CHST3: variants seen among roughly 807,000 people sequenced by gnomAD.
CHST3 encodes the protein C6ST-1.
In CHST3, 20 loss-of-function variants were observed where a neutral mutation model predicts 35.4. The ratio of observed to expected loss-of-function variants is 0.57; its 90% CI spans 0.40 to 0.82. The LOEUF is 0.82. CHST3 is among the 40% of genes least tolerant of loss of function. The pLI is 0.00. For synonymous variants in CHST3, 334 were observed against 295.9 expected (o/e 1.13, Z -1.32); for missense variants, 693 against 670.1 (o/e 1.03, Z -0.38).
At chr10:71,971,765 C>T (rs907011224) in intron 1 of CHST3, among the ~76,000 whole-genome samples, 5 of 152,202 alleles carry the variant, frequency 3.3e-5, no homozygotes, top group Admixed American at 2.0e-4. Context: ...CCTGGCTTTC[C>T]TCTGGAGACT....
At chr10:71,971,727 C>T (rs1407193728) in intron 1 of CHST3, among the ~76,000 whole-genome samples, 9 of 152,256 alleles carry the variant, frequency 5.9e-5, no homozygotes, top group African/African-American at 2.2e-4. Flanking sequence ...AGGAATTTCA[C>T]TCCAGCCACA....
chr10:72,005,742 G>C lies in CHST3; in HGVS notation c.-101G>C, dbSNP rs1202755829. The C allele has an allele frequency of 6.8e-7, 1 of 1,460,986 alleles. No homozygotes were observed. Among genetic ancestry groups the C allele is most frequent in the Non-Finnish European group, 9.6e-7 (1 of 1,045,980 alleles). 90.5% of individuals were successfully genotyped at this position (1,460,986 alleles called of 1,614,324 possible). The stretch of plus-strand genomic sequence containing the variant: ...ACCACCTGTCTCTCCGCAGGACAAG[G>C]GTGTCCCCCACCTGAAGACGGCAAG... On this transcript the variant is annotated 5_prime_UTR_variant, in exon 2 of 3. Transcript: ENST00000373115.
chr10:71,967,873 G>GT (rs1839646670), intron 1 of CHST3, among the ~76,000 whole-genome samples: 1 of 152,108 alleles, frequency 6.6e-6, no homozygotes, highest in African/African-American at 2.4e-5. Flanking sequence ...CCAGGCTGGA[G>GT]TACAGTGGTG....
chr10:71,995,380 A>T lies in CHST3; in HGVS notation c.-107-10356A>T, dbSNP rs543247878. 6.0e-5 allele frequency among the ~76,000 whole-genome samples: 9 copies of T among 149,946 alleles called. No homozygotes were observed. In the South Asian group the frequency reaches 1.9e-3, roughly 32 times the overall value. On this transcript the variant is annotated intron_variant, in intron 1 of 2. Coordinates refer to ENST00000373115, the MANE Select transcript of CHST3 (RefSeq NM_004273.5). ...GTGGAGGTTGCAGTGAGCCGAGATCACGCCACTGCGCTCCAGCCTGGGCAG... is the reference window on the plus strand; with the variant it reads ...GTGGAGGTTGCAGTGAGCCGAGATCTCGCCACTGCGCTCCAGCCTGGGCAG...
rs886047166 is a variant in CHST3 at position 72,009,524 on chromosome 10, A to T, written c.*1053A>T. The T allele has an allele frequency of 2.0e-5, 3 of 152,268 alleles. No individual in the cohort carries two copies. The highest frequency in any genetic ancestry group is 2.9e-5 in the Non-Finnish European group (2 of 68,086). The allele number at this position is 152,268 out of a possible 1,614,324, so 9.4% of individuals were successfully genotyped here. ...AGGCTGCCTCAGGCCTGGCAGGCAG[A>T]AGCAGCTGTGGTCCCTGGAGGCAAA... On this transcript the variant is annotated 3_prime_UTR_variant, in exon 3 of 3. Coordinates refer to ENST00000373115, the MANE Select transcript of CHST3 (RefSeq NM_004273.5).
chr10:71,978,381 C>A (rs1221879478), intron 1 of CHST3, among the ~76,000 whole-genome samples: 29 of 149,072 alleles, frequency 1.9e-4, no homozygotes, highest in Admixed American at 3.3e-4. Flanking sequence ...AAAAAAAAAA[C>A]AAAGTGGCTC....
rs1564532120 is a variant in CHST3 at position 72,007,540 on chromosome 10, GCA to G, written c.512_513del (p.Thr171SerfsTer148). 8 of 1,605,280 alleles carry G rather than the reference GCA, an allele frequency of 5.0e-6. No individual in the cohort carries two copies. The highest frequency in any genetic ancestry group is 6.8e-6 in the Non-Finnish European group (8 of 1,179,734). On this transcript the variant is annotated frameshift_variant, in exon 3 of 3. Transcript: ENST00000373115. LOFTEE classifies it high-confidence loss of function. ...TTCGAGCCGCTGTGGCACATCGAGC[GCA>G]CAGTGTCCTTCGAGCCGGGGGGCGC...
At chr10:71,978,941 A>C (rs1839773521) in intron 1 of CHST3, among the ~76,000 whole-genome samples, 1 of 152,192 alleles carries the variant, frequency 6.6e-6, no homozygotes, top group Non-Finnish European at 1.5e-5. Flanking sequence ...TGGGGAGTCC[A>C]GTGCCAAGGG....
intron 1 of CHST3, among the ~76,000 whole-genome samples, chr10:72,005,289 GTGTGTGTGTGTC>G (rs1443575083): frequency 6.8e-6 from 1 of 147,936 alleles, no homozygotes; most frequent in Non-Finnish European, 1.5e-5. Context: ...ACCTTTGTGT[GTGTGTGTGTGTC>G]TGTGTGTGTG....
rs1320227897 is a variant in CHST3, at chr10:71,964,535, C to T, written c.-267C>T. 1 of 152,114 alleles carries T rather than the reference C, an allele frequency of 6.6e-6. No individual in the cohort carries two copies. Among genetic ancestry groups the T allele is most frequent in the African/African-American group, 2.4e-5 (1 of 41,448 alleles). 9.4% of individuals were successfully genotyped at this position (152,114 alleles called of 1,614,324 possible). Reference sequence around the variant, plus strand: ...CAGCGCCTCCATCCCTCCGGCCCGCCCCGGAGAAGACGCACAGCTCGGGCC... The same window carrying T: ...CAGCGCCTCCATCCCTCCGGCCCGCTCCGGAGAAGACGCACAGCTCGGGCC... On this transcript the variant is annotated 5_prime_UTR_variant, in exon 1 of 3. Transcript: ENST00000373115.
intron 1 of CHST3, among the ~76,000 whole-genome samples, chr10:71,995,847 GA>G (rs1839933803): frequency 6.6e-6 from 1 of 152,004 alleles, no homozygotes; most frequent in African/African-American, 2.4e-5. Context: ...TAATAATAAT[GA>G]AAAAATCTGC....
At chr10:72,006,887 T>C (rs1365504398) in intron 2 of CHST3, among the ~76,000 whole-genome samples, 1 of 151,820 alleles carries the variant, frequency 6.6e-6, no homozygotes, top group Non-Finnish European at 1.5e-5. Context: ...GGAGTAACTG[T>C]CCCCCCCAGA....
At chr10:71,999,264 C>T (rs575090448) in intron 1 of CHST3, among the ~76,000 whole-genome samples, 1 of 152,322 alleles carries the variant, frequency 6.6e-6, no homozygotes, top group Non-Finnish European at 1.5e-5. Flanking sequence ...GGCCTGGGGG[C>T]TCCCCTGCCG....
intron 1 of CHST3, among the ~76,000 whole-genome samples, chr10:72,002,084 C>T (rs555521795): frequency 7.2e-5 from 11 of 152,302 alleles, no homozygotes; most frequent in African/African-American, 2.4e-4. Flanking sequence ...TGGGAAGCTC[C>T]AAACCTCTCT....
chr10:72,002,202 C>T (rs1840000258), intron 1 of CHST3, among the ~76,000 whole-genome samples: 1 of 152,174 alleles, frequency 6.6e-6, no homozygotes, highest in Non-Finnish European at 1.5e-5. Flanking sequence ...GTCCAAGTGT[C>T]CAGCTTTGCT....
intron 1 of CHST3, among the ~76,000 whole-genome samples, 186 bp from the exon 2 acceptor site, chr10:72,005,550 T>G (rs1840029937): frequency 6.6e-6 from 1 of 152,132 alleles, no homozygotes; most frequent in Non-Finnish European, 1.5e-5. Context: ...AACCCGATGG[T>G]TCATTAGCAT....
At chr10:72,006,138 C>T (rs1359542973) in intron 2 of CHST3, among the ~76,000 whole-genome samples, 156 bp downstream of exon 2, 2 of 152,158 alleles carry the variant, frequency 1.3e-5, no homozygotes, top group Non-Finnish European at 2.9e-5. Context: ...CTCCTGCACA[C>T]GTCCTCATGA....
chr10:71,967,968 G>T (rs1458142327), intron 1 of CHST3, among the ~76,000 whole-genome samples: 1 of 89,736 alleles, frequency 1.1e-5, no homozygotes. Flanking sequence ...ACCACCATGC[G>T]TGGCTAATTT....
chr10:71,981,106 G>T (rs754658039), intron 1 of CHST3, among the ~76,000 whole-genome samples: 1 of 152,232 alleles, frequency 6.6e-6, no homozygotes, highest in Non-Finnish European at 1.5e-5. Context: ...AGGGAAGAAG[G>T]TAGGTCAAGC....
Sources: allele counts gnomAD v4.1 joint callset (sites outside exome capture counted in the v4.1 genomes callset), GRCh38; gene constraint gnomAD v4.1.1; transcripts MANE v1.5; gene names NCBI Gene and HGNC (gene_info 2026-07-23, HGNC 2026-07-21).